The following CBR4 variants were observed in gnomAD, a reference collection of about 807,000 sequenced individuals.
CBR4 encodes the protein 3-oxoacyl-[acyl-carrier-protein] reductase.
A neutral mutation model predicts 21.0 loss-of-function variants in CBR4; 22 were observed. The ratio of observed to expected loss-of-function variants is 1.05; its 90% CI spans 0.75 to 1.50. The LOEUF is 1.50. CBR4 is among the 40% of genes most tolerant of loss of function. CBR4 has a pLI of 0.00. For synonymous variants in CBR4, 100 were observed against 104.4 expected, an observed-to-expected ratio of 0.96 and a Z score of 0.26; for missense variants, 302 against 286.3, an observed-to-expected ratio of 1.05 and a Z score of -0.40.
intron 4 of CBR4, among the ~76,000 whole-genome samples, chr4:168,993,666 T>A (rs1765035768): frequency 6.6e-6 from 1 of 152,210 alleles, no homozygotes; most frequent in African/African-American, 2.4e-5. Flanking sequence ...TTAAGTTCTT[T>A]TCAAACTCTA....
chr4:168,936,036 G>T (rs914289068), intron 2 of CBR4, among the ~76,000 whole-genome samples: 2 of 152,198 alleles, frequency 1.3e-5, no homozygotes, highest in African/African-American at 4.8e-5. Context: ...GACAGCTCCA[G>T]CTGGCATCTG....
At position 168,947,755 on chromosome 4, in the gene CBR4, A is replaced by C. The variant is rs183702759; in HGVS notation, n.170-52990T>G. Reference sequence around the variant, plus strand: ...CAGTATTCCACCGTACATATATATCACAGTTTCTTCATCCACTCATTGATT... The same window carrying C: ...CAGTATTCCACCGTACATATATATCCCAGTTTCTTCATCCACTCATTGATT... On this transcript the variant is annotated intron_variant and non_coding_transcript_variant, in intron 2 of 3. Transcript: ENST00000509108. 5.4e-4 allele frequency among the ~76,000 whole-genome samples: 82 copies of C among 152,196 alleles called. 1 individual carries two copies. Among genetic ancestry groups the C allele is most frequent in the Admixed American group, 3.3e-3 (51 of 15,278 alleles).
chr4:168,934,292 A>AC (rs1287215600), intron 2 of CBR4, among the ~76,000 whole-genome samples: 4 of 149,256 alleles, frequency 2.7e-5, no homozygotes, highest in African/African-American at 9.7e-5. Flanking sequence ...CAAAAAAAAA[A>AC]AAAAAAAAAA....
chr4:168,960,649 A>G (rs1232384379), intron 2 of CBR4, among the ~76,000 whole-genome samples: 2 of 152,232 alleles, frequency 1.3e-5, no homozygotes, highest in Non-Finnish European at 2.9e-5. Flanking sequence ...AAACACCTTT[A>G]TTAGAATAAG....
chr4:168,996,495 T>TAAA (rs529963044), intron 4 of CBR4, among the ~76,000 whole-genome samples: 127 of 150,836 alleles, frequency 8.4e-4, no homozygotes, highest in Admixed American at 5.2e-3. Context: ...TATTGATACA[T>TAAA]TATTAAGTAA....
intron 2 of CBR4, among the ~76,000 whole-genome samples, chr4:168,950,642 T>C (rs564285232): frequency 6.6e-6 from 1 of 152,378 alleles, no homozygotes; most frequent in African/African-American, 2.4e-5. Flanking sequence ...CCGTTCTTTG[T>C]TGACTTTCTT....
intron 2 of CBR4, among the ~76,000 whole-genome samples, chr4:168,975,752 G>A (rs1335613917): frequency 2.6e-5 from 4 of 152,124 alleles, no homozygotes; most frequent in African/African-American, 7.2e-5. Context: ...CTCCCTGGGC[G>A]GGACTTGCTG....
chr4:168,977,989 C>A (rs1764423495), intron 2 of CBR4, among the ~76,000 whole-genome samples: 1 of 152,200 alleles, frequency 6.6e-6, no homozygotes, highest in African/African-American at 2.4e-5. Context: ...TCAACCTTTT[C>A]TCCATACTAT....
At chr4:168,978,639 C>T (rs551867590) in intron 2 of CBR4, among the ~76,000 whole-genome samples, 75 of 152,298 alleles carry the variant, frequency 4.9e-4, no homozygotes, top group African/African-American at 1.6e-3. Flanking sequence ...GGCCTCCAGG[C>T]TGACACAGAA....
At chr4:168,913,045 G>A (rs897110544) in intron 2 of CBR4, among the ~76,000 whole-genome samples, 1 of 151,840 alleles carries the variant, frequency 6.6e-6, no homozygotes, top group African/African-American at 2.4e-5. Context: ...TAGTCATGAA[G>A]CTCTCCTTAT....
At chr4:168,962,292 T>C (rs1459018888) in intron 2 of CBR4, among the ~76,000 whole-genome samples, 1 of 152,222 alleles carries the variant, frequency 6.6e-6, no homozygotes, top group Non-Finnish European at 1.5e-5. Flanking sequence ...CAAAGTGTTT[T>C]TATAACTCAA....
intron 2 of CBR4, chr4:168,921,782 C>A: frequency 1.4e-6 from 2 of 1,429,748 alleles, no homozygotes; most frequent in Non-Finnish European, 9.9e-7. Context: ...ACAGAATGAA[C>A]ATCAGACTTA....
intron 2 of CBR4, among the ~76,000 whole-genome samples, chr4:168,900,070 G>A (rs1335176152): frequency 6.6e-6 from 1 of 152,180 alleles, no homozygotes; most frequent in Non-Finnish European, 1.5e-5. Flanking sequence ...CACACAGCAA[G>A]AGTAGGAGCA....
intron 3 of CBR4, 106 bp downstream of exon 3, chr4:169,006,644 GATAAT>G (rs1385617911): frequency 6.9e-6 from 7 of 1,009,540 alleles, no homozygotes; most frequent in Non-Finnish European, 1.0e-5. Context: ...TTTTTCCACA[GATAAT>G]ATAAATTTCA....
intron 2 of CBR4, among the ~76,000 whole-genome samples, chr4:168,896,047 T>C (rs773150497): frequency 2.0e-5 from 3 of 152,106 alleles, no homozygotes; most frequent in African/African-American, 4.8e-5. Context: ...CCGTCTCTAC[T>C]GAAAATACAA....
At chr4:168,979,243 G>T (rs1411972728) in intron 2 of CBR4, among the ~76,000 whole-genome samples, 1 of 151,594 alleles carries the variant, frequency 6.6e-6, no homozygotes, top group African/African-American at 2.4e-5. Flanking sequence ...TCCCTAGGAT[G>T]GAGTTCCCAG....
At chr4:168,955,786 T>G (rs779879285) in intron 2 of CBR4, among the ~76,000 whole-genome samples, 5 of 152,158 alleles carry the variant, frequency 3.3e-5, no homozygotes, top group Admixed American at 6.5e-5. Flanking sequence ...CCATGGACTA[T>G]GGGCCTAGAG....
At chr4:168,904,782 T>G (rs796517692) in intron 2 of CBR4, among the ~76,000 whole-genome samples, 3 of 152,316 alleles carry the variant, frequency 2.0e-5, no homozygotes, top group African/African-American at 7.2e-5. Flanking sequence ...GAAGAAAATA[T>G]TTAGCATTAG....
chr4:168,910,973 T>C (rs539011523), intron 2 of CBR4, among the ~76,000 whole-genome samples: 1 of 152,314 alleles, frequency 6.6e-6, no homozygotes, highest in South Asian at 2.1e-4. Flanking sequence ...AAAAACCATC[T>C]TGATGCATGT....
Sources: gnomAD v4.1 joint callset for allele counts (sites outside exome capture counted in the v4.1 genomes callset) on GRCh38, gnomAD v4.1.1 for gene constraint, MANE v1.5 for transcripts, NCBI Gene and HGNC (gene_info 2026-07-23, HGNC 2026-07-21) for gene names.